UTRN: variants seen among roughly 807,000 people sequenced by gnomAD.
UTRN encodes the protein utrophin.
UTRN carries 283 observed loss-of-function variants against 463.9 expected under a neutral mutation model. That is an observed-to-expected ratio of 0.61 (90% CI 0.55 to 0.67). UTRN has a LOEUF of 0.67. UTRN is among the 30% of genes least tolerant of loss of function. The probability of loss-of-function intolerance (pLI) is 0.00; values close to 1 mark genes in which losing one functional copy is unlikely to be tolerated. For synonymous variants in UTRN, 1,442 were observed against 1,431.5 expected, an observed-to-expected ratio of 1.01 and a Z score of -0.17; for missense variants, 3,922 against 4,084.3, an observed-to-expected ratio of 0.96 and a Z score of 1.08.
intron 50 of UTRN, among the ~76,000 whole-genome samples, chr6:144,566,796 C>G (rs1366188469): frequency 6.6e-6 from 1 of 152,036 alleles, no homozygotes; most frequent in African/African-American, 2.4e-5. Context: ...GACCCTTATT[C>G]CAGCTTCTCA....
At chr6:144,423,711 C>T in intron 5 of UTRN, 85 bp downstream of exon 5, 1 of 1,430,920 alleles carries the variant, frequency 7.0e-7, no homozygotes, top group Middle Eastern at 1.8e-4. Context: ...GATGCATTGG[C>T]ATCCACTGAT....
intron 2 of UTRN, among the ~76,000 whole-genome samples, chr6:144,336,239 T>G (rs1776708868): frequency 6.6e-6 from 1 of 151,454 alleles, no homozygotes; most frequent in Non-Finnish European, 1.5e-5. Context: ...TCATGGAGGG[T>G]GATCCTGATA....
intron 41 of UTRN, among the ~76,000 whole-genome samples, chr6:144,524,234 G>A (rs1280994371): frequency 6.6e-6 from 1 of 151,874 alleles, no homozygotes; most frequent in African/African-American, 2.4e-5. Flanking sequence ...TTGTACCTTT[G>A]GAGAACATTC....
rs1261257728 is a variant in UTRN, at chr6:144,852,516, G to C, written c.*1519G>C. 6.6e-6 allele frequency: 1 copy of C among 152,504 alleles called. No homozygotes were observed. The highest frequency in any genetic ancestry group is 2.4e-5 in the African/African-American group (1 of 41,420). 9.4% of individuals were successfully genotyped at this position (152,504 alleles called of 1,614,324 possible). ...TAGAATAGGTTGGGTGGGTTGGGGGGCAAGGGTGTCTATTTGCAGCAGAGA... is the reference window on the plus strand; with the variant it reads ...TAGAATAGGTTGGGTGGGTTGGGGGCCAAGGGTGTCTATTTGCAGCAGAGA... On this transcript the variant is annotated 3_prime_UTR_variant, in exon 75 of 75. Coordinates refer to ENST00000367545, the MANE Select transcript of UTRN (RefSeq NM_007124.3).
At chr6:144,473,897 G>C in intron 24 of UTRN, 64 bp downstream of exon 24, 1 of 1,152,874 alleles carries the variant, frequency 8.7e-7, no homozygotes, top group African/African-American at 1.5e-5. Context: ...TATGTTATTT[G>C]CTGCTATTAT....
intron 65 of UTRN, among the ~76,000 whole-genome samples, chr6:144,818,139 A>G (rs1016695882): frequency 2.0e-4 from 30 of 152,232 alleles, no homozygotes; most frequent in Admixed American, 1.8e-3. Context: ...TAGATAAACT[A>G]GAAGAACTGA....
chr6:144,671,318 C>T (rs996311660), intron 51 of UTRN, among the ~76,000 whole-genome samples: 2 of 152,012 alleles, frequency 1.3e-5, no homozygotes, highest in African/African-American at 4.8e-5. Context: ...TTTCTTTCAG[C>T]AGCATTTTAT....
chr6:144,766,811 G>A (rs1793409710), intron 58 of UTRN, among the ~76,000 whole-genome samples: 1 of 149,154 alleles, frequency 6.7e-6, no homozygotes, highest in Non-Finnish European at 1.5e-5. Context: ...TGTGTTTAAG[G>A]ATGGCACGTC....
intron 53 of UTRN, among the ~76,000 whole-genome samples, chr6:144,724,478 C>G (rs531653495): frequency 8.4e-4 from 128 of 152,202 alleles, no homozygotes; most frequent in African/African-American, 3.0e-3. Flanking sequence ...CCTCCCGCCT[C>G]AGCCTCCCAA....
At chr6:144,312,528 T>C (rs55718055) in intron 2 of UTRN, among the ~76,000 whole-genome samples, 5,829 of 152,312 alleles carry the variant, frequency 0.038, 352 homozygotes, top group African/African-American at 0.13. Context: ...CTTTCCAGTC[T>C]TTTAAAATAA....
intron 25 of UTRN, among the ~76,000 whole-genome samples, chr6:144,475,763 C>T (rs1791128311): frequency 6.6e-6 from 1 of 152,064 alleles, no homozygotes; most frequent in South Asian, 2.1e-4. Flanking sequence ...ATGTTCACCA[C>T]TATGCCTAGA....
intron 2 of UTRN, among the ~76,000 whole-genome samples, chr6:144,296,631 G>A (rs1249672541): frequency 6.6e-6 from 1 of 152,244 alleles, no homozygotes; most frequent in African/African-American, 2.4e-5. Context: ...CCCTGCATTT[G>A]ACCTCTATGG....
At chr6:144,608,045 A>C (rs1184174123) in intron 51 of UTRN, among the ~76,000 whole-genome samples, 2 of 152,162 alleles carry the variant, frequency 1.3e-5, no homozygotes, top group Admixed American at 1.3e-4. Flanking sequence ...TTTGTGTGTT[A>C]ACTTGGTTAG....
chr6:144,582,040 G>A (rs955491851), intron 51 of UTRN, among the ~76,000 whole-genome samples: 45 of 152,250 alleles, frequency 3.0e-4, no homozygotes, highest in African/African-American at 1.0e-3. Flanking sequence ...AGGGAAAAAA[G>A]ATACAGGCAG....
intron 2 of UTRN, among the ~76,000 whole-genome samples, chr6:144,314,901 A>T (rs1428036552): frequency 1.3e-5 from 2 of 152,086 alleles, no homozygotes; most frequent in African/African-American, 4.8e-5. Context: ...ATTGCATTTG[A>T]AGTACTCACA....
At chr6:144,473,010 G>A (rs532100081) in intron 23 of UTRN, among the ~76,000 whole-genome samples, 97 of 151,968 alleles carry the variant, frequency 6.4e-4, no homozygotes, top group Non-Finnish European at 1.1e-3. Flanking sequence ...CTCGTGATCC[G>A]TAGCCTGGGC....
rs371734281 is a variant in UTRN, at chr6:144,735,804, TA to T, written c.7939+5326del. On this transcript the variant is annotated intron_variant, in intron 54 of 74. Coordinates refer to ENST00000367545, the MANE Select transcript of UTRN (RefSeq NM_007124.3). ...AGGGTTAAAACGATATTGTATAATT[TA>T]AAAAAAAGTTTCATGAACATTCTAG... Among the ~76,000 whole-genome samples the T allele has an allele frequency of 3.9e-4, 60 of 152,074 alleles. No homozygotes were observed. The East Asian group carries it at 6.4e-3, about 16-fold the overall frequency.
chr6:144,351,907 T>C (rs1040804503), intron 2 of UTRN, among the ~76,000 whole-genome samples: 5 of 152,188 alleles, frequency 3.3e-5, no homozygotes, highest in African/African-American at 1.2e-4. Context: ...CTTGGCACTC[T>C]GAGAAGCAAC....
At chr6:144,798,630 T>G (rs1352276046) in intron 64 of UTRN, among the ~76,000 whole-genome samples, 1 of 152,222 alleles carries the variant, frequency 6.6e-6, no homozygotes, top group African/African-American at 2.4e-5. Flanking sequence ...CTTGAATATA[T>G]TATATTTCTC....
Sources: gnomAD v4.1 joint callset for allele counts (sites outside exome capture counted in the v4.1 genomes callset) on GRCh38, gnomAD v4.1.1 for gene constraint, MANE v1.5 for transcripts, NCBI Gene and HGNC (gene_info 2026-07-23, HGNC 2026-07-21) for gene names.